The following CSMD3 variants were observed in gnomAD, a reference collection of about 807,000 sequenced individuals.
CSMD3 encodes the protein CUB and Sushi multiple domains 3.
Under a neutral mutation model 435.2 loss-of-function variants are expected in CSMD3, and 177 were observed. The ratio of observed to expected loss-of-function variants is 0.41; its 90% CI spans 0.36 to 0.46. The LOEUF (loss-of-function observed/expected upper bound fraction) is 0.46, where lower values mean the gene tolerates loss of function less well. CSMD3 is among the 20% of genes least tolerant of loss of function. The pLI is 0.34. For missense variants in CSMD3, 4,265 were observed against 4,504.6 expected, an observed-to-expected ratio of 0.95 and a Z score of 1.52; for synonymous variants, 1,656 against 1,520.5, an observed-to-expected ratio of 1.09 and a Z score of -2.07.
At chr8:112,927,169 A>C (rs971251575) in intron 9 of CSMD3, among the ~76,000 whole-genome samples, 1 of 152,180 alleles carries the variant, frequency 6.6e-6, no homozygotes, top group Non-Finnish European at 1.5e-5. Flanking sequence ...ATTGCACATT[A>C]GAATATCTAA....
chr8:112,379,996 G>T (rs1248880123), intron 38 of CSMD3, among the ~76,000 whole-genome samples: 1 of 152,100 alleles, frequency 6.6e-6, no homozygotes, highest in Non-Finnish European at 1.5e-5. Flanking sequence ...AAGAGCTGTG[G>T]TTCAATGGGT....
chr8:113,432,364 A>C (rs922730733), intron 1 of CSMD3, among the ~76,000 whole-genome samples: 14 of 152,200 alleles, frequency 9.2e-5, no homozygotes, highest in Admixed American at 2.6e-4. Context: ...CTCATGCCTG[A>C]GCCGATCTTT....
intron 30 of CSMD3, among the ~76,000 whole-genome samples, chr8:112,494,710 G>C (rs1333652258): frequency 1.3e-5 from 2 of 152,014 alleles, no homozygotes; most frequent in African/African-American, 4.8e-5. Flanking sequence ...ATTAAATAAA[G>C]ACTTGCGATT....
intron 15 of CSMD3, among the ~76,000 whole-genome samples, chr8:112,683,133 T>A (rs2075937579): frequency 6.6e-6 from 1 of 151,990 alleles, no homozygotes; most frequent in Non-Finnish European, 1.5e-5. Context: ...TACAACTTTT[T>A]AAATAATTTT....
intron 5 of CSMD3, among the ~76,000 whole-genome samples, chr8:113,067,205 CT>C (rs2088897004): frequency 6.6e-6 from 1 of 152,074 alleles, no homozygotes; most frequent in African/African-American, 2.4e-5. Context: ...CAGACTTCCT[CT>C]TTTCTTTGTA....
chr8:112,674,773 A>G (rs1335442749), intron 16 of CSMD3, among the ~76,000 whole-genome samples: 3 of 152,180 alleles, frequency 2.0e-5, no homozygotes, highest in Admixed American at 6.6e-5. Flanking sequence ...TCTCTTTCAC[A>G]CAAACATCTC....
At chr8:112,991,472 G>C (rs1564186339) in intron 6 of CSMD3, among the ~76,000 whole-genome samples, 1 of 151,762 alleles carries the variant, frequency 6.6e-6, no homozygotes, top group African/African-American at 2.4e-5. Flanking sequence ...CTCTAAAAAT[G>C]AATTTTTCTT....
intron 6 of CSMD3, among the ~76,000 whole-genome samples, chr8:112,989,136 G>C (rs1299091265): frequency 6.6e-6 from 1 of 151,872 alleles, no homozygotes; most frequent in Non-Finnish European, 1.5e-5. Context: ...TCAAATGGGA[G>C]ACAAAAAGAA....
intron 28 of CSMD3, among the ~76,000 whole-genome samples, chr8:112,515,388 T>G (rs950678239): frequency 2.0e-5 from 3 of 152,150 alleles, no homozygotes; most frequent in Non-Finnish European, 4.4e-5. Context: ...TTAATTAGAA[T>G]AAGAAGTTTT....
chr8:113,280,449 G>A (rs770040810), intron 2 of CSMD3, among the ~76,000 whole-genome samples: 24 of 151,782 alleles, frequency 1.6e-4, no homozygotes, highest in East Asian at 1.9e-4. Context: ...GTTTATGTGC[G>A]TAGAGGTGTT....
chr8:112,985,942 A>G (rs2085239396), intron 6 of CSMD3, among the ~76,000 whole-genome samples: 1 of 152,152 alleles, frequency 6.6e-6, no homozygotes, highest in African/African-American at 2.4e-5. Flanking sequence ...TACAAAGTAA[A>G]TGTAATGTGC....
intron 5 of CSMD3, among the ~76,000 whole-genome samples, chr8:113,042,226 C>G (rs1013758654): frequency 1.3e-5 from 2 of 152,028 alleles, no homozygotes. Context: ...TTATATTGCA[C>G]TCGTTTTGAA....
chr8:112,881,809 G>A (rs1252794870), intron 10 of CSMD3, among the ~76,000 whole-genome samples: 7 of 151,934 alleles, frequency 4.6e-5, no homozygotes, highest in African/African-American at 7.2e-5. Context: ...AATTCTTCCC[G>A]ATTAGGAGAC....
chr8:113,405,964 G>T (rs2094530982), intron 1 of CSMD3, among the ~76,000 whole-genome samples: 1 of 151,742 alleles, frequency 6.6e-6, no homozygotes, highest in Non-Finnish European at 1.5e-5. Context: ...ATTGAACTAT[G>T]TCCCTTGGTA....
chr8:113,089,505 T>G (rs945715317), intron 5 of CSMD3, among the ~76,000 whole-genome samples: 1 of 152,236 alleles, frequency 6.6e-6, no homozygotes, highest in Non-Finnish European at 1.5e-5. Flanking sequence ...TATAGCAGAA[T>G]AAATATGTAA....
At chr8:112,373,190 GAA>G (rs1164707272) in intron 38 of CSMD3, among the ~76,000 whole-genome samples, 1 of 151,504 alleles carries the variant, frequency 6.6e-6, no homozygotes, top group Non-Finnish European at 1.5e-5. Context: ...TTTCTTGGAT[GAA>G]AAAAATAAAC....
intron 27 of CSMD3, among the ~76,000 whole-genome samples, chr8:112,537,916 G>A (rs1401338828): frequency 6.6e-6 from 1 of 151,966 alleles, no homozygotes; most frequent in South Asian, 2.1e-4. Context: ...CAAAGACACA[G>A]CATGAAAAGA....
At chr8:113,000,983 G>T (rs2085841124) in intron 6 of CSMD3, among the ~76,000 whole-genome samples, 1 of 151,794 alleles carries the variant, frequency 6.6e-6, no homozygotes, top group South Asian at 2.1e-4. Flanking sequence ...TTACCCAAAG[G>T]ATTCAAATCA....
intron 3 of CSMD3, among the ~76,000 whole-genome samples, chr8:113,177,440 C>T (rs985684163): frequency 1.4e-4 from 21 of 151,926 alleles, no homozygotes; most frequent in South Asian, 4.1e-4. Flanking sequence ...CTTCAGTTAT[C>T]TTCTTTTACC....
Sources: gnomAD v4.1 joint callset for allele counts (sites outside exome capture counted in the v4.1 genomes callset) on GRCh38, gnomAD v4.1.1 for gene constraint, MANE v1.5 for transcripts, NCBI Gene and HGNC (gene_info 2026-07-23, HGNC 2026-07-21) for gene names.